Variants in PRDM5 observed in about 807,000 individuals in gnomAD.
The protein encoded by PRDM5 is PR domain zinc finger protein 5.
Under a neutral mutation model 81.2 loss-of-function variants are expected in PRDM5, and 56 were observed. The observed-to-expected ratio is 0.69, with a 90% confidence interval of 0.56 to 0.86. The LOEUF is 0.86. PRDM5 is among the 40% of genes least tolerant of loss of function. The pLI, the probability that PRDM5 is intolerant of heterozygous loss-of-function variation, is 0.00. For missense variants in PRDM5, 697 were observed against 770.1 expected (o/e 0.91, Z 1.12); for synonymous variants, 267 against 256.4 (o/e 1.04, Z -0.39).
intron 11 of PRDM5, among the ~76,000 whole-genome samples, chr4:120,784,411 T>G (rs1010336560): frequency 2.0e-5 from 3 of 152,128 alleles, no homozygotes; most frequent in Non-Finnish European, 4.4e-5. Flanking sequence ...AAAAATTGCC[T>G]CTGACAAAAG....
chr4:120,763,112 T>C (rs6813562), intron 13 of PRDM5, among the ~76,000 whole-genome samples: 20,883 of 152,104 alleles, frequency 0.14, 2,083 homozygotes, highest in African/African-American at 0.26. Context: ...ATCTTACAGT[T>C]ACAGTATCCC....
Position 120,735,339 on chromosome 4 carries a change from C to A in PRDM5, c.1623+19214G>T, listed in dbSNP as rs188690447. On this transcript the variant is annotated intron_variant, in intron 14 of 15. Coordinates refer to ENST00000264808, the MANE Select transcript of PRDM5 (RefSeq NM_018699.4). ...TAAACTAAAAGTTCCTTAAATAATCCTTTCAAATGAAACTCTGTCTAAATT... is the reference window on the plus strand; with the variant it reads ...TAAACTAAAAGTTCCTTAAATAATCATTTCAAATGAAACTCTGTCTAAATT... Among the ~76,000 whole-genome samples, 192 of 152,200 alleles carry A rather than the reference C, an allele frequency of 1.3e-3. 1 individual carries two copies. The highest frequency in any genetic ancestry group is 4.4e-3 in the African/African-American group (183 of 41,536).
intron 13 of PRDM5, among the ~76,000 whole-genome samples, chr4:120,768,452 G>T (rs1275383347): frequency 6.6e-6 from 1 of 152,068 alleles, no homozygotes; most frequent in Non-Finnish European, 1.5e-5. Context: ...CAAATTTAAA[G>T]ATTAAAGAGG....
downstream of PRDM5, among the ~76,000 whole-genome samples, chr4:120,688,688 GA>G (rs764878539): frequency 6.6e-6 from 1 of 151,914 alleles, no homozygotes; most frequent in Non-Finnish European, 1.5e-5. Context: ...TTTACATGTG[GA>G]TATCTAGTTT....
At chr4:120,743,986 A>G (rs1037158680) in intron 14 of PRDM5, among the ~76,000 whole-genome samples, 4 of 152,062 alleles carry the variant, frequency 2.6e-5, no homozygotes, top group Non-Finnish European at 4.4e-5. Context: ...CATTTTTTTC[A>G]GCACCACACC....
chr4:120,734,585 T>C (rs185806273), intron 14 of PRDM5, among the ~76,000 whole-genome samples: 14 of 152,326 alleles, frequency 9.2e-5, no homozygotes, highest in Non-Finnish European at 1.3e-4. Flanking sequence ...ACAGAGCATG[T>C]GATTTTTCCC....
At chr4:120,811,519 A>G (rs1175207063) in intron 7 of PRDM5, 70 bp from the exon 8 acceptor site, 1 of 944,716 alleles carries the variant, frequency 1.1e-6, no homozygotes, top group African/African-American at 1.6e-5. Flanking sequence ...TAGTGTTTCG[A>G]GGTGATATGT....
At chr4:120,860,712 A>G (rs2148496388) in intron 2 of PRDM5, among the ~76,000 whole-genome samples, 1 of 151,766 alleles carries the variant, frequency 6.6e-6, no homozygotes, top group East Asian at 1.9e-4. Context: ...TTTATGCACG[A>G]ATGTTACAGC....
intron 14 of PRDM5, among the ~76,000 whole-genome samples, chr4:120,732,144 G>T (rs571157267): frequency 2.0e-5 from 3 of 152,146 alleles, no homozygotes; most frequent in African/African-American, 7.2e-5. Flanking sequence ...TCATCTAAAA[G>T]ACTGGTAGCT....
intron 1 of PRDM5, among the ~76,000 whole-genome samples, chr4:120,920,756 G>A (rs531698671): frequency 5.9e-5 from 9 of 152,294 alleles, no homozygotes; most frequent in African/African-American, 1.4e-4. Context: ...GAAATACAGC[G>A]AAGCATTCTA....
chr4:120,776,900 C>T (rs1406677197), intron 13 of PRDM5, among the ~76,000 whole-genome samples: 1 of 152,152 alleles, frequency 6.6e-6, no homozygotes, highest in African/African-American at 2.4e-5. Context: ...AACTGTTATT[C>T]TCTAATTCCA....
chr4:120,913,144 G>T (rs1421379931), intron 1 of PRDM5, among the ~76,000 whole-genome samples: 1 of 152,208 alleles, frequency 6.6e-6, no homozygotes, highest in Non-Finnish European at 1.5e-5. Context: ...TTATCTCGAA[G>T]AGAAGGGAGC....
At chr4:120,826,654 A>G (rs554632279) in intron 3 of PRDM5, among the ~76,000 whole-genome samples, 1 of 152,186 alleles carries the variant, frequency 6.6e-6, no homozygotes, top group Non-Finnish European at 1.5e-5. Context: ...AAGCTTACTC[A>G]GCTTTTCCTT....
intron 3 of PRDM5, among the ~76,000 whole-genome samples, chr4:120,840,554 C>G (rs1280457566): frequency 6.6e-6 from 1 of 152,120 alleles, no homozygotes; most frequent in East Asian, 1.9e-4. Context: ...ATTCCCACCT[C>G]AGGCCCCAAA....
intron 15 of PRDM5, among the ~76,000 whole-genome samples, chr4:120,697,271 G>C (rs1388356164): frequency 6.6e-6 from 1 of 151,974 alleles, no homozygotes; most frequent in African/African-American, 2.4e-5. Context: ...GAGTGTAATG[G>C]GTACTAAGTA....
intron 10 of PRDM5, among the ~76,000 whole-genome samples, chr4:120,787,693 G>C (rs779017741): frequency 1.3e-5 from 2 of 152,188 alleles, no homozygotes; most frequent in African/African-American, 2.4e-5. Context: ...TCCAAGATTT[G>C]TGATCTGAGC....
Position 120,907,572 on chromosome 4 carries a change from T to C in PRDM5, c.94-15A>G, listed in dbSNP as rs1765979145. 6.3e-7 allele frequency: 1 copy of C among 1,583,282 alleles called. No homozygotes were observed. On this transcript the variant is annotated splice_polypyrimidine_tract_variant and intron_variant, in intron 1 of 15. Coordinates refer to ENST00000264808, the MANE Select transcript of PRDM5 (RefSeq NM_018699.4). ...AACTTTTCACCCTGAGTAGCAATGA[T>C]TATATTGAACAAGGATTAGTACAAT...
Position 120,819,254 on chromosome 4 carries a change from G to A in PRDM5, c.476-727C>T, listed in dbSNP as rs889454806. Reference sequence around the variant, plus strand: ...TCATACTTTATATACAATTTTATATGTTTTCCCATTTAACATCTTCTCAAG... The same window carrying A: ...TCATACTTTATATACAATTTTATATATTTTCCCATTTAACATCTTCTCAAG... On this transcript the variant is annotated intron_variant, in intron 4 of 15. Coordinates refer to ENST00000264808, the MANE Select transcript of PRDM5 (RefSeq NM_018699.4). 8.6e-5 allele frequency among the ~76,000 whole-genome samples: 13 copies of A among 152,042 alleles called. No homozygotes were observed. In the South Asian group the frequency reaches 1.0e-3, roughly 12 times the overall value.
At chr4:120,722,614 G>A (rs1042648713) in intron 14 of PRDM5, among the ~76,000 whole-genome samples, 2 of 152,084 alleles carry the variant, frequency 1.3e-5, no homozygotes, top group Non-Finnish European at 2.9e-5. Flanking sequence ...GGTATGGCCT[G>A]GGCTTTGGCA....
Sources: allele counts gnomAD v4.1 joint callset (sites outside exome capture counted in the v4.1 genomes callset), GRCh38; gene constraint gnomAD v4.1.1; transcripts MANE v1.5; gene names NCBI Gene and HGNC (gene_info 2026-07-23, HGNC 2026-07-21).